FAM216B: variants seen among roughly 807,000 people sequenced by gnomAD.
The protein encoded by FAM216B is protein FAM216B.
FAM216B carries 11 observed loss-of-function variants against 12.9 expected under a neutral mutation model. The observed-to-expected ratio is 0.86, with a 90% CI of 0.54 to 1.42. FAM216B has a LOEUF of 1.42. Among genes scored for constraint, FAM216B ranks in the 40% most tolerant of loss-of-function variants. The pLI is 0.00. For synonymous variants in FAM216B, 52 were observed against 57.2 expected, an observed-to-expected ratio of 0.91 and a Z score of 0.41; for missense variants, 167 against 162.9, an observed-to-expected ratio of 1.02 and a Z score of -0.14.
intron 2 of FAM216B, 96 bp downstream of exon 2, chr13:42,784,262 T>A: frequency 1.2e-6 from 1 of 851,950 alleles, no homozygotes; most frequent in Non-Finnish European, 1.8e-6. Context: ...TTTGTTTACC[T>A]AGCATTAAGA....
intron 2 of FAM216B, 69 bp from the exon 3 acceptor site, chr13:42,786,694 T>C (rs1874101667): frequency 6.6e-7 from 1 of 1,509,016 alleles, no homozygotes; most frequent in Non-Finnish European, 8.9e-7. Flanking sequence ...AAAGTTTGCT[T>C]TGAGTATCAC....
At chr13:42,782,551 T>C (rs1873896114) in intron 1 of FAM216B, among the ~76,000 whole-genome samples, 1 of 152,238 alleles carries the variant, frequency 6.6e-6, no homozygotes, top group Admixed American at 6.5e-5. Context: ...TGATTTGCTG[T>C]GGTCTTACTT....
At chr13:42,788,384 C>T (rs1385576373) in intron 3 of FAM216B, among the ~76,000 whole-genome samples, 1 of 152,046 alleles carries the variant, frequency 6.6e-6, no homozygotes, top group Non-Finnish European at 1.5e-5. Flanking sequence ...ACATGTTAAT[C>T]AACGACCAAG....
chr13:42,785,585 T>C (rs1874054438), intron 2 of FAM216B, among the ~76,000 whole-genome samples: 1 of 152,250 alleles, frequency 6.6e-6, no homozygotes, highest in Non-Finnish European at 1.5e-5. Flanking sequence ...TAAGAGATTA[T>C]GCATACAAAA....
At chr13:42,781,898 G>C (rs1032016802) in intron 1 of FAM216B, among the ~76,000 whole-genome samples, 4 of 152,158 alleles carry the variant, frequency 2.6e-5, no homozygotes, top group Non-Finnish European at 5.9e-5. Context: ...AATCTTTCCA[G>C]CTTGAAGCAT....
chr13:42,789,199 A>G lies in FAM216B; in HGVS notation c.*409A>G, dbSNP rs1266706394. On this transcript the variant is annotated 3_prime_UTR_variant, in exon 4 of 4. Coordinates refer to ENST00000313851, the MANE Select transcript of FAM216B (RefSeq NM_001318932.2). The stretch of plus-strand genomic sequence containing the variant: ...ACAAAACAACACAGGATTAACACTG[A>G]TCATAGAGGGCTTACAAAATCATAT... The G allele has an allele frequency of 6.5e-6, 1 of 154,300 alleles. No individual in the cohort carries two copies. The highest frequency in any genetic ancestry group is 1.4e-5 in the Non-Finnish European group (1 of 69,388). The allele number at this position is 154,300 out of a possible 1,614,324, so 9.6% of individuals were successfully genotyped here. A position where few individuals can be genotyped will look rare whatever the true frequency, so the allele number is the denominator to read the frequency against.
chr13:42,790,381 C>T lies in FAM216B; in HGVS notation c.*1591C>T, dbSNP rs1314641227. 6.6e-6 allele frequency: 1 copy of T among 151,828 alleles called. No homozygotes were observed. Among genetic ancestry groups the T allele is most frequent in the African/African-American group, 2.4e-5 (1 of 41,306 alleles). 9.4% of individuals were successfully genotyped at this position (151,828 alleles called of 1,614,324 possible). On this transcript the variant is annotated 3_prime_UTR_variant, in exon 4 of 4. Coordinates refer to ENST00000313851, the MANE Select transcript of FAM216B (RefSeq NM_001318932.2). Reference sequence around the variant, plus strand: ...GCTGTGTAAGCCTTATCTAGTGATGCAGAATATCAAGGAGGCCACTTACAA... The same window carrying T: ...GCTGTGTAAGCCTTATCTAGTGATGTAGAATATCAAGGAGGCCACTTACAA...
At chr13:42,783,483 T>G (rs139282087) in intron 1 of FAM216B, among the ~76,000 whole-genome samples, 1,524 of 151,858 alleles carry the variant, frequency 0.01, 23 homozygotes, top group African/African-American at 0.034. Context: ...TCTTTGCCAG[T>G]TGAGCCTCCC....
chr13:42,788,509 T>C, intron 3 of FAM216B, 82 bp from the exon 4 acceptor site: 1 of 1,164,842 alleles, frequency 8.6e-7, no homozygotes, highest in Non-Finnish European at 1.2e-6. Context: ...TTTGTACACA[T>C]AAGTAAATAT....
intron 2 of FAM216B, 105 bp from the exon 3 acceptor site, chr13:42,786,658 A>G (rs754382918): frequency 1.1e-5 from 15 of 1,330,454 alleles, no homozygotes; most frequent in Non-Finnish European, 1.5e-5. Flanking sequence ...ACATATGGTT[A>G]GCAAGAAAAG....
At chr13:42,785,918 C>T (rs563722466) in intron 2 of FAM216B, among the ~76,000 whole-genome samples, 2 of 152,082 alleles carry the variant, frequency 1.3e-5, no homozygotes, top group African/African-American at 2.4e-5. Context: ...GCCAGGAGCA[C>T]CCCCTCCTCC....
In FAM216B at chr13:42,784,076, A is replaced by G. The variant is rs748085003; in HGVS notation, c.9A>G (p.Gln3=). The G allele has an allele frequency of 6.2e-7, 1 of 1,605,682 alleles. No homozygotes were observed. The highest frequency in any genetic ancestry group is 8.5e-7 in the Non-Finnish European group (1 of 1,176,526). Residue 3 remains glutamine (Q), a synonymous_variant, in exon 2 of 4, where the codon CAA becomes CAG. Transcript: ENST00000313851. The part of the protein sequence containing the change: MG[Q]NWKRQQKLWN... ...GAGGTATAGGATAAACGATGGGACA[A>G]AACTGGAAAAGACAACAAAAGCTTT...
intron 1 of FAM216B, among the ~76,000 whole-genome samples, chr13:42,783,170 G>A (rs1433955589): frequency 5.9e-5 from 9 of 152,134 alleles, no homozygotes; most frequent in Admixed American, 2.0e-4. Context: ...ATAATTGGGT[G>A]TGGGGTGTGT....
In FAM216B at chr13:42,789,482, A is replaced by G. The variant is rs1285655249; in HGVS notation, c.*692A>G. 6 of 152,204 alleles carry G rather than the reference A, an allele frequency of 3.9e-5. No individual in the cohort carries two copies. Among genetic ancestry groups the G allele is most frequent in the African/African-American group, 1.4e-4 (6 of 41,438 alleles). 9.4% of individuals were successfully genotyped at this position (152,204 alleles called of 1,614,324 possible). A position where few individuals can be genotyped will look rare whatever the true frequency, so the allele number is the denominator to read the frequency against. ...AACACTCTTAAAAGAATATGAAATA[A>G]CCCCGAAGACTTTATTTCATGTCCA... is the stretch of plus-strand genomic sequence containing the variant. On this transcript the variant is annotated 3_prime_UTR_variant, in exon 4 of 4. Coordinates refer to ENST00000313851, the MANE Select transcript of FAM216B (RefSeq NM_001318932.2).
intron 3 of FAM216B, among the ~76,000 whole-genome samples, chr13:42,787,676 A>G (rs1224231573): frequency 6.6e-6 from 1 of 152,206 alleles, no homozygotes; most frequent in African/African-American, 2.4e-5. Flanking sequence ...TTAAACAAAA[A>G]TCTACTCACT....
intron 1 of FAM216B, among the ~76,000 whole-genome samples, chr13:42,783,082 C>G (rs1535888): frequency 0.82 from 124,135 of 152,100 alleles, 50,929 homozygotes; most frequent in African/African-American, 0.89. Flanking sequence ...GCCTGAGGTG[C>G]AGGATAACTT....
chr13:42,789,051 G>T lies in FAM216B; in HGVS notation c.*261G>T, dbSNP rs771705755. 1.3e-5 allele frequency: 4 copies of T among 304,002 alleles called. No individual in the cohort carries two copies. Among genetic ancestry groups the T allele is most frequent in the Non-Finnish European group, 2.5e-5 (4 of 161,650 alleles). 18.8% of individuals were successfully genotyped at this position (304,002 alleles called of 1,614,324 possible). ...GCTTTCAAAGTAAAAGTTTACTTTG[G>T]ATTAGAACCTCCTAGAGAAGTCCCC... On this transcript the variant is annotated 3_prime_UTR_variant, in exon 4 of 4. Transcript: ENST00000313851.
At position 42,788,694 on chromosome 13, in the gene FAM216B, A is replaced by G. The variant is rs571444391; in HGVS notation, c.324A>G (p.Lys108=). 4.3e-5 allele frequency: 69 copies of G among 1,613,870 alleles called. No homozygotes were observed. Among genetic ancestry groups the G allele is most frequent in the Non-Finnish European group, 5.7e-5 (67 of 1,179,882 alleles). The change falls in exon 4 of 4, where the codon AAA becomes AAG. Residue 108 remains lysine, a synonymous_variant. Coordinates refer to ENST00000313851, the MANE Select transcript of FAM216B (RefSeq NM_001318932.2). The stretch of plus-strand genomic sequence containing the variant: ...CTCCTCAAAGAACCATTCCCCGGAA[A>G]ACTTCAGCCATGACAAGAAGATGTC... The part of the protein sequence containing the change: ...KVAPQRTIPR[K]TSAMTRRCPS...
At chr13:42,785,371 T>C (rs1240271338) in intron 2 of FAM216B, among the ~76,000 whole-genome samples, 1 of 152,230 alleles carries the variant, frequency 6.6e-6, no homozygotes, top group Non-Finnish European at 1.5e-5. Flanking sequence ...GTCACCTTAC[T>C]CTACCTTTAC....
Sources: gnomAD v4.1 joint callset for allele counts (sites outside exome capture counted in the v4.1 genomes callset) on GRCh38, gnomAD v4.1.1 for gene constraint, MANE v1.5 for transcripts, NCBI Gene and HGNC (gene_info 2026-07-23, HGNC 2026-07-21) for gene names.